The following CACFD1 variants were observed in gnomAD, a reference collection of about 807,000 sequenced individuals.
CACFD1 encodes the protein calcium channel flower domain containing 1, also known as calcium channel flower homolog.
CACFD1 carries 26 observed loss-of-function variants against 21.3 expected under a neutral mutation model. That is an observed-to-expected ratio of 1.22 (90% CI 0.89 to 1.69). CACFD1 has a LOEUF of 1.69. Ranked by LOEUF, CACFD1 falls within the 40% of genes most tolerant of loss-of-function variation. The pLI, the probability that CACFD1 is intolerant of heterozygous loss-of-function variation, is 0.00. For synonymous variants in CACFD1, 121 were observed against 106.6 expected, an observed-to-expected ratio of 1.13 and a Z score of -0.83; for missense variants, 265 against 236.2, an observed-to-expected ratio of 1.12 and a Z score of -0.80.
chr9:133,466,705 C>A (rs1175960090), intron 3 of CACFD1, among the ~76,000 whole-genome samples: 1 of 152,200 alleles, frequency 6.6e-6, no homozygotes, highest in Non-Finnish European at 1.5e-5. Flanking sequence ...ACGTTGCTTT[C>A]CAAAGAGGTC....
chr9:133,461,879 C>G (rs1473949192), intron 1 of CACFD1: 1 of 985,252 alleles, frequency 1.0e-6, no homozygotes, highest in Non-Finnish European at 1.2e-6. Context: ...GGTTGTGTGC[C>G]GGGCTGGTCC....
rs782234171 is a variant in CACFD1, at chr9:133,468,627, G to A, written c.493G>A (p.Ala165Thr). The change falls in exon 5 of 5, where the codon GCG (alanine) becomes ACG (threonine). Residue 165 changes from alanine (A) to threonine (T), a missense_variant. Coordinates refer to ENST00000316948, the MANE Select transcript of CACFD1 (RefSeq NM_017586.5). ...QRQQADEEKL[A>T]ETLEGEL ...GCAGCAGGCGGATGAGGAGAAGCTCGCGGAGACCCTGGAGGGGGAGCTGTG... is the reference window on the plus strand; with the variant it reads ...GCAGCAGGCGGATGAGGAGAAGCTCACGGAGACCCTGGAGGGGGAGCTGTG... 9 of 1,585,616 alleles carry A rather than the reference G, an allele frequency of 5.7e-6. No individual in the cohort carries two copies. Among genetic ancestry groups the A allele is most frequent in the Middle Eastern group, 3.8e-4 (2 of 5,298 alleles).
At chr9:133,462,308 C>G in intron 1 of CACFD1, 1 of 1,300,294 alleles carries the variant, frequency 7.7e-7, no homozygotes, top group Non-Finnish European at 1.0e-6. Flanking sequence ...ACCTGTGGTT[C>G]TGGAACACCT....
rs782808554 is a variant in CACFD1 at position 133,460,126 on chromosome 9, A to G, written c.60A>G (p.Glu20=). ...ASASSAPPAQ[E]EGMTWWYRWL... ...CCAGCTCTGCGCCGCCCGCGCAGGA[A>G]GAGGGCATGACGTGGTGGTACCGCT... The change falls in exon 1 of 5, where the codon GAA becomes GAG. Residue 20 remains glutamate (E), a synonymous_variant. Coordinates refer to ENST00000316948, the MANE Select transcript of CACFD1 (RefSeq NM_017586.5). 7 of 1,562,470 alleles carry G rather than the reference A, an allele frequency of 4.5e-6. No homozygotes were observed. The South Asian group carries it at 7.0e-5, about 16-fold the overall frequency.
intron 2 of CACFD1, among the ~76,000 whole-genome samples, chr9:133,463,945 T>C (rs1467822069): frequency 6.6e-6 from 1 of 152,136 alleles, no homozygotes; most frequent in East Asian, 1.9e-4. Flanking sequence ...AGGCTGTTCA[T>C]TGGGGCTGGC....
At chr9:133,460,269 C>T (rs1843090405) in intron 1 of CACFD1, 82 bp downstream of exon 1, 2 of 1,299,284 alleles carry the variant, frequency 1.5e-6, no homozygotes, top group Non-Finnish European at 2.0e-6. Context: ...GCCCCGGCGG[C>T]CCCAGGGGAA....
At position 133,465,197 on chromosome 9, in the gene CACFD1, AGAG is replaced by A; in HGVS notation, c.195-117_195-115del. On this transcript the variant is annotated intron_variant, in intron 2 of 4. Coordinates refer to ENST00000316948, the MANE Select transcript of CACFD1 (RefSeq NM_017586.5). This position sits in a 1 kb window ranked among gnomAD's most constrained non-coding sequence, Gnocchi z 5.0. ...CCCTGGAGCAGCCGGGCGGCTTCCC[AGAG>A]GAGGAGGGATGAGGGCAGGAGGGTG... 1 of 1,177,190 alleles carries A rather than the reference AGAG, an allele frequency of 8.5e-7. No individual in the cohort carries two copies. The allele number at this position is 1,177,190 out of a possible 1,614,324, so 72.9% of individuals were successfully genotyped here. A position where few individuals can be genotyped will look rare whatever the true frequency, so the allele number is the denominator to read the frequency against.
rs1554798025 is a variant in CACFD1, at chr9:133,460,204, G to GGA, written c.121+21_121+22dup. The stretch of plus-strand genomic sequence containing the variant: ...GGGCAGTCTGTGAGTATCCAGTCGG[G>GGA]GAGAGGGGCCGGCCCCGCCGCGCAT... On this transcript the variant is annotated intron_variant, in intron 1 of 4. Transcript: ENST00000316948. 2.0e-6 allele frequency: 3 copies of GGA among 1,523,080 alleles called. No individual in the cohort carries two copies. The highest frequency in any genetic ancestry group is 2.4e-5 in the South Asian group (2 of 81,732). The allele number at this position is 1,523,080 out of a possible 1,614,324, so 94.3% of individuals were successfully genotyped here.
rs887616036 is a variant in CACFD1 at position 133,469,031 on chromosome 9, C to T, written c.*378C>T. On this transcript the variant is annotated 3_prime_UTR_variant, in exon 5 of 5. Coordinates refer to ENST00000316948, the MANE Select transcript of CACFD1 (RefSeq NM_017586.5). ...GGAGGGGCAAGTGGGACCCTGCCAC[C>T]TGGGCACTGAGCAGAGGGACCTCCC... The T allele has an allele frequency of 1.0e-5, 3 of 293,174 alleles. No homozygotes were observed. The highest frequency in any genetic ancestry group is 1.2e-4 in the South Asian group (1 of 8,036). 18.2% of individuals were successfully genotyped at this position (293,174 alleles called of 1,614,324 possible). A position where few individuals can be genotyped will look rare whatever the true frequency, so the allele number is the denominator to read the frequency against.
intron 1 of CACFD1, chr9:133,461,878 C>T: frequency 1.0e-6 from 1 of 985,384 alleles, no homozygotes; most frequent in Non-Finnish European, 1.2e-6. Flanking sequence ...GGGTTGTGTG[C>T]CGGGCTGGTC....
At chr9:133,466,305 A>G (rs1843432983) in intron 3 of CACFD1, among the ~76,000 whole-genome samples, 1 of 152,250 alleles carries the variant, frequency 6.6e-6, no homozygotes, top group Non-Finnish European at 1.5e-5. Flanking sequence ...ATAATTTGGA[A>G]TATAGAACAA....
Position 133,465,933 on chromosome 9 carries a change from C to G in CACFD1, c.320+486C>G, listed in dbSNP as rs1440244316. The stretch of plus-strand genomic sequence containing the variant: ...ATTTTCCCATTTCTAACAATGAAAT[C>G]AATATGTAATACTTCTCCTCTCAGT... On this transcript the variant is annotated intron_variant, in intron 3 of 4. Coordinates refer to ENST00000316948, the MANE Select transcript of CACFD1 (RefSeq NM_017586.5). This position sits in a 1 kb window ranked among gnomAD's most constrained non-coding sequence, Gnocchi z 5.0. The G allele has an allele frequency of 6.3e-6, 1 of 157,644 alleles. No individual in the cohort carries two copies. Among genetic ancestry groups the G allele is most frequent in the Non-Finnish European group, 1.4e-5 (1 of 70,886 alleles). The allele number at this position is 157,644 out of a possible 1,614,324, so 9.8% of individuals were successfully genotyped here.
At chr9:133,460,343 C>A (rs920624209) in intron 1 of CACFD1, among the ~76,000 whole-genome samples, 156 bp downstream of exon 1, 4 of 151,870 alleles carry the variant, frequency 2.6e-5, no homozygotes, top group Non-Finnish European at 5.9e-5. Context: ...GCGGGGCCGC[C>A]GGGAGCCGGC....
Position 133,465,128 on chromosome 9 carries a change from G to C in CACFD1, c.195-194G>C. 1 of 616,812 alleles carries C rather than the reference G, an allele frequency of 1.6e-6. No homozygotes were observed. The highest frequency in any genetic ancestry group is 2.7e-5 in the Admixed American group (1 of 37,132). The allele number at this position is 616,812 out of a possible 1,614,324, so 38.2% of individuals were successfully genotyped here. On this transcript the variant is annotated intron_variant, in intron 2 of 4. Coordinates refer to ENST00000316948, the MANE Select transcript of CACFD1 (RefSeq NM_017586.5). The surrounding 1 kb of genome is among the most constrained non-coding windows in gnomAD (Gnocchi z 5.0). ...GGGTGTGCAGGAGCAGCTGGGGAGT[G>C]CTGGAGTCTTCAGCAGAGGCTCTCC...
At chr9:133,463,442 C>T in intron 1 of CACFD1, 41 bp from the exon 2 acceptor site, 1 of 1,613,470 alleles carries the variant, frequency 6.2e-7, no homozygotes, top group Admixed American at 1.7e-5. Flanking sequence ...CGGGCTCCGC[C>T]TGCCTCCCTG....
intron 1 of CACFD1, chr9:133,462,033 T>C (rs910607720): frequency 2.4e-6 from 3 of 1,275,434 alleles, no homozygotes; most frequent in Admixed American, 2.4e-5. Context: ...GTGGAAGATA[T>C]CAGCATTGAG....
intron 2 of CACFD1, 86 bp downstream of exon 2, chr9:133,463,641 G>T: frequency 7.1e-7 from 1 of 1,418,134 alleles, no homozygotes; most frequent in Non-Finnish European, 9.9e-7. Context: ...AGTGGCAGGG[G>T]CCGTGGGAGT....
chr9:133,461,627 T>C (rs587722720), intron 1 of CACFD1, among the ~76,000 whole-genome samples: 2 of 152,322 alleles, frequency 1.3e-5, no homozygotes, highest in South Asian at 2.1e-4. Context: ...CCAGATTTGC[T>C]GTGGAGTCTT....
chr9:133,463,700 G>A (rs980130382), intron 2 of CACFD1, 145 bp downstream of exon 2: 5 of 758,504 alleles, frequency 6.6e-6, no homozygotes, highest in African/African-American at 1.7e-5. Context: ...TGGGTGCCTC[G>A]GGCATGTGAG....
Sources: allele counts gnomAD v4.1 joint callset (sites outside exome capture counted in the v4.1 genomes callset), GRCh38; gene constraint gnomAD v4.1.1; non-coding constraint Gnocchi (gnomAD v3.1); transcripts MANE v1.5; gene names NCBI Gene and HGNC (gene_info 2026-07-23, HGNC 2026-07-21).